COL5A1: variants seen among roughly 807,000 people sequenced by gnomAD.
The protein encoded by COL5A1 is collagen alpha-1(V) chain.
COL5A1 carries 16 observed loss-of-function variants against 263.7 expected under a neutral mutation model. The ratio of observed to expected loss-of-function variants is 0.06; its 90% CI spans 0.04 to 0.09. COL5A1 has a LOEUF of 0.09. Among genes scored for constraint, COL5A1 ranks in the 10% least tolerant of loss-of-function variants. COL5A1 has a pLI of 1.00. For missense variants in COL5A1, 2,036 were observed against 2,540.5 expected (o/e 0.80, Z 4.27); for synonymous variants, 1,012 against 1,004.5 (o/e 1.01, Z -0.14).
At chr9:134,834,251 C>A (rs747558849) in intron 64 of COL5A1, among the ~76,000 whole-genome samples, 1 of 152,176 alleles carries the variant, frequency 6.6e-6, no homozygotes, top group Non-Finnish European at 1.5e-5. Context: ...ACCCAGCGAT[C>A]GGGTGCAGAG....
chr9:134,734,063 C>G (rs535230920), intron 9 of COL5A1, among the ~76,000 whole-genome samples: 8 of 152,082 alleles, frequency 5.3e-5, no homozygotes, highest in African/African-American at 1.9e-4. Flanking sequence ...CTCATGTTCC[C>G]GAGTAAGCTG....
intron 65 of COL5A1, among the ~76,000 whole-genome samples, chr9:134,838,071 C>T (rs997121062): frequency 2.0e-5 from 3 of 152,226 alleles, no homozygotes; most frequent in African/African-American, 7.2e-5. Context: ...CTCAAGTCTA[C>T]TTGTACTATC....
In COL5A1 at chr9:134,690,918, C is replaced by A; in HGVS notation, c.116C>A (p.Pro39Gln). ...TCCTCCTCTGTCATTTCAGCTCAGC[C>A]AGCAGATCTCCTGAAGGTTCTAGAT... Reference protein sequence around the residue: ...WAPPPSRAAQPADLLKVLDFH... With the variant: ...WAPPPSRAAQQADLLKVLDFH... Residue 39 changes from proline to glutamine, a missense_variant, in exon 2 of 66, where the codon CCA (proline) becomes CAA (glutamine). Pro to Gln is a moderately conservative substitution (Grantham distance 76, BLOSUM62 -1). Transcript: ENST00000371817. 6.2e-7 allele frequency: 1 copy of A among 1,613,702 alleles called. No individual in the cohort carries two copies. Among genetic ancestry groups the A allele is most frequent in the Non-Finnish European group, 8.5e-7 (1 of 1,180,042 alleles).
At chr9:134,839,613 T>G (rs1466343574) in intron 65 of COL5A1, among the ~76,000 whole-genome samples, 2 of 152,136 alleles carry the variant, frequency 1.3e-5, no homozygotes, top group Non-Finnish European at 2.9e-5. Context: ...AGCGCCACCT[T>G]GCAGTGGCCC....
chr9:134,823,125 G>A (rs907096179), intron 60 of COL5A1, 92 bp downstream of exon 60: 40 of 1,433,324 alleles, frequency 2.8e-5, no homozygotes, highest in East Asian at 4.7e-5. Context: ...CCAGACAACC[G>A]TCCTAGCTCA....
intron 36 of COL5A1, among the ~76,000 whole-genome samples, chr9:134,798,036 C>T (rs182762131): frequency 1.3e-5 from 2 of 152,298 alleles, no homozygotes; most frequent in Non-Finnish European, 2.9e-5. Context: ...GCAGGCATGG[C>T]GGGGCTGGTG....
At chr9:134,774,616 G>A (rs1364545376) in intron 26 of COL5A1, among the ~76,000 whole-genome samples, 1 of 152,196 alleles carries the variant, frequency 6.6e-6, no homozygotes, top group Non-Finnish European at 1.5e-5. Flanking sequence ...CTGCCGGGGT[G>A]GGGCCAGCGT....
At chr9:134,762,879 G>A (rs1484664798) in intron 19 of COL5A1, among the ~76,000 whole-genome samples, 1 of 152,184 alleles carries the variant, frequency 6.6e-6, no homozygotes, top group Admixed American at 6.5e-5. Flanking sequence ...GTGTGTGTGT[G>A]TGTGTGTGTA....
Position 134,814,882 on chromosome 9 carries a change from A to G in COL5A1, c.3992A>G (p.Asp1331Gly), listed in dbSNP as rs2132853892. The G allele has an allele frequency of 6.4e-7, 1 of 1,551,014 alleles. No homozygotes were observed. The highest frequency in any genetic ancestry group is 8.7e-7 in the Non-Finnish European group (1 of 1,146,944). ...GPPGPKGPPG[D>G]DGPKGSPGPV... The stretch of plus-strand genomic sequence containing the variant: ...CCTGGACCCAAAGGCCCTCCCGGAG[A>G]TGATGGTCCCAAAGGCAGCCCTGTG... Residue 1331 changes from aspartate to glycine, a missense_variant, in exon 50 of 66, where the codon GAT (aspartate) becomes GGT (glycine). By Grantham distance (94) the Asp-to-Gly change is moderately conservative. Coordinates refer to ENST00000371817, the MANE Select transcript of COL5A1 (RefSeq NM_000093.5).
intron 29 of COL5A1, among the ~76,000 whole-genome samples, chr9:134,783,316 G>A (rs775914739): frequency 1.3e-5 from 2 of 152,206 alleles, no homozygotes; most frequent in Non-Finnish European, 2.9e-5. Flanking sequence ...AATTTAGCTC[G>A]GCTCCAGAGA....
In COL5A1 at chr9:134,822,122, T is replaced by A; in HGVS notation, c.4580T>A (p.Ile1527Asn). The change falls in exon 59 of 66, where the codon ATT becomes AAT. Residue 1527 changes from isoleucine (I) to asparagine (N), a missense_variant. Coordinates refer to ENST00000371817, the MANE Select transcript of COL5A1 (RefSeq NM_000093.5). ...EQGITGPSGPIGPPGPPGLPG... is the reference protein window; with the variant it reads ...EQGITGPSGPNGPPGPPGLPG... ...GGTATCACTGGTCCTTCTGGCCCGATTGGGCCTCCTGGGCCCCCTGGCCTG... is the reference window on the plus strand; with the variant it reads ...GGTATCACTGGTCCTTCTGGCCCGAATGGGCCTCCTGGGCCCCCTGGCCTG... 6.2e-7 allele frequency: 1 copy of A among 1,613,732 alleles called. No homozygotes were observed. The highest frequency in any genetic ancestry group is 8.5e-7 in the Non-Finnish European group (1 of 1,179,868).
At chr9:134,836,317 C>A (rs1839853570) in intron 65 of COL5A1, among the ~76,000 whole-genome samples, 1 of 152,138 alleles carries the variant, frequency 6.6e-6, no homozygotes, top group Non-Finnish European at 1.5e-5. Context: ...GGTGCCAGGC[C>A]CTTTTTAACA....
At chr9:134,816,189 T>C (rs1445412944) in intron 52 of COL5A1, among the ~76,000 whole-genome samples, 1 of 152,226 alleles carries the variant, frequency 6.6e-6, no homozygotes, top group Non-Finnish European at 1.5e-5. Flanking sequence ...ACAGAGCTCA[T>C]GAACTCCCTC....
chr9:134,700,893 C>T lies in COL5A1; in HGVS notation c.492-278C>T, dbSNP rs946662214. Among the ~76,000 whole-genome samples, 1 of 152,180 alleles carries T rather than the reference C, an allele frequency of 6.6e-6. No individual in the cohort carries two copies. Among genetic ancestry groups the T allele is most frequent in the Non-Finnish European group, 1.5e-5 (1 of 68,042 alleles). On this transcript the variant is annotated intron_variant, in intron 3 of 65. Coordinates refer to ENST00000371817, the MANE Select transcript of COL5A1 (RefSeq NM_000093.5). This position sits in a 1 kb window ranked among gnomAD's most constrained non-coding sequence, Gnocchi z 4.0. ...GAGCCAGTGCCGAGTGCTGTGTGCT[C>T]CCCCTTCCCCCTTTCACTTGGGCTC...
intron 4 of COL5A1, among the ~76,000 whole-genome samples, chr9:134,714,431 T>G: frequency 2.4e-5 from 1 of 42,044 alleles, no homozygotes; most frequent in Admixed American, 2.3e-4. Flanking sequence ...GATGGTGATG[T>G]TTATGGTGGT....
At chr9:134,732,159 C>A (rs200261387) in intron 9 of COL5A1, 32 bp downstream of exon 9, 1 of 1,612,732 alleles carries the variant, frequency 6.2e-7, no homozygotes, top group Admixed American at 1.7e-5. Flanking sequence ...CTCCCTGCGC[C>A]GGGGTGTCCG....
intron 62 of COL5A1, 82 bp downstream of exon 62, chr9:134,824,937 A>C: frequency 3.3e-6 from 5 of 1,508,570 alleles, no homozygotes; most frequent in Non-Finnish European, 4.4e-6. Flanking sequence ...AGGACAGTTC[A>C]GCCAGGCACA....
chr9:134,727,225 C>G (rs1194312148), intron 4 of COL5A1, 41 bp from the exon 5 acceptor site: 2 of 1,610,710 alleles, frequency 1.2e-6, no homozygotes, highest in Non-Finnish European at 1.7e-6. Flanking sequence ...CATGCGAGTG[C>G]TCTGTGAGCT....
rs1174585671 is a variant in COL5A1, at chr9:134,794,785, C to T, written c.2701-297C>T. Among the ~76,000 whole-genome samples the T allele has an allele frequency of 2.6e-5, 4 of 152,062 alleles. No homozygotes were observed. The highest frequency in any genetic ancestry group is 4.2e-4 in the South Asian group (2 of 4,816). On this transcript the variant is annotated intron_variant, in intron 32 of 65. Coordinates refer to ENST00000371817, the MANE Select transcript of COL5A1 (RefSeq NM_000093.5). This position sits in a 1 kb window ranked among gnomAD's most constrained non-coding sequence, Gnocchi z 4.3. ...GGAGGAAGGAGGAGGAGGGATGTAGCGGTGCTCTGAGGAAAGAAACCAGAT... is the reference window on the plus strand; with the variant it reads ...GGAGGAAGGAGGAGGAGGGATGTAGTGGTGCTCTGAGGAAAGAAACCAGAT...
Sources: allele counts gnomAD v4.1 joint callset (sites outside exome capture counted in the v4.1 genomes callset), GRCh38; gene constraint gnomAD v4.1.1; non-coding constraint Gnocchi (gnomAD v3.1); transcripts MANE v1.5; gene names NCBI Gene and HGNC (gene_info 2026-07-23, HGNC 2026-07-21).